Variants in WNT9B observed in about 807,000 individuals in gnomAD.
WNT9B encodes the protein Wnt family member 9B.
A neutral mutation model predicts 30.2 loss-of-function variants in WNT9B; 12 were observed. The ratio of observed to expected loss-of-function variants is 0.40; its 90% confidence interval spans 0.26 to 0.64. The LOEUF (loss-of-function observed/expected upper bound fraction) is 0.64, where lower values mean the gene tolerates loss of function less well. Ranked by LOEUF, WNT9B falls within the 30% of genes least tolerant of loss-of-function variation. The pLI is 0.42. For synonymous variants in WNT9B, 218 were observed against 216.9 expected, an observed-to-expected ratio of 1.01 and a Z score of -0.05; for missense variants, 442 against 485.2, an observed-to-expected ratio of 0.91 and a Z score of 0.84.
At chr17:46,844,520 C>G (rs1405411928) in intron 1 of WNT9B, among the ~76,000 whole-genome samples, 4 of 152,062 alleles carry the variant, frequency 2.6e-5, no homozygotes, top group African/African-American at 9.7e-5. Flanking sequence ...ACCTGCAGTT[C>G]TGATAATATG....
At chr17:46,865,447 G>C (rs371821077) in intron 1 of WNT9B, among the ~76,000 whole-genome samples, 2 of 152,160 alleles carry the variant, frequency 1.3e-5, no homozygotes, top group African/African-American at 4.8e-5. Flanking sequence ...GGGCTCCAGC[G>C]GGGAAGTGTG....
chr17:46,855,500 C>A lies in WNT9B; in HGVS notation c.77+3785C>A, dbSNP rs185787599. ...TCACTCATCTCCAAGGTCAGTAGCA[C>A]CTGGAGGTGCTAAGGTTCCCTAATG... On this transcript the variant is annotated intron_variant, in intron 1 of 3. Transcript: ENST00000290015. Among the ~76,000 whole-genome samples the A allele has an allele frequency of 1.6e-3, 248 of 152,288 alleles. 3 individuals are homozygous for A. Among genetic ancestry groups the A allele is most frequent in the Non-Finnish European group, 7.4e-4 (50 of 68,014 alleles).
rs954425453 is a variant in WNT9B at position 46,880,095 on chromosome 17, G to A, written c.*3377G>A. Among the ~76,000 whole-genome samples, 21 of 152,352 alleles carry A rather than the reference G, an allele frequency of 1.4e-4. No individual in the cohort carries two copies. The highest frequency in any genetic ancestry group is 4.8e-4 in the African/African-American group (20 of 41,584). On this transcript the variant is annotated 3_prime_UTR_variant, in exon 4 of 4. Transcript: ENST00000290015. ...CTGCGCTGGCAGACTGGGCCTGCAT[G>A]TCCTCCTGCAGGCAGCTAGAGTGAG... is the stretch of plus-strand genomic sequence containing the variant.
chr17:46,876,531 A>G lies in WNT9B; in HGVS notation c.887A>G (p.Tyr296Cys), dbSNP rs2085348907. The G allele has an allele frequency of 1.2e-6, 2 of 1,613,514 alleles. No individual in the cohort carries two copies. Among genetic ancestry groups the G allele is most frequent in the Non-Finnish European group, 1.7e-6 (2 of 1,179,972 alleles). ...DSPSFCRPSK[Y>C]SPGTAGRVCS... ...CCCAGCTTCTGCCGGCCCAGCAAGT[A>G]CTCACCTGGCACAGCAGGTAGGGTG... Residue 296 changes from tyrosine to cysteine, a missense_variant, in exon 4 of 4, where the codon TAC becomes TGC. By Grantham distance (194) the Tyr-to-Cys change is radical. Coordinates refer to ENST00000290015, the MANE Select transcript of WNT9B (RefSeq NM_003396.3).
At position 46,872,651 on chromosome 17, in the gene WNT9B, A is replaced by G. The variant is rs2085268657; in HGVS notation, c.212A>G (p.Glu71Gly). 1.2e-6 allele frequency: 2 copies of G among 1,613,556 alleles called. No homozygotes were observed. Among genetic ancestry groups the G allele is most frequent in the Non-Finnish European group, 1.7e-6 (2 of 1,179,990 alleles). The change falls in exon 2 of 4, where the codon GAG becomes GGG. Residue 71 changes from glutamate (E) to glycine (G), a missense_variant. Transcript: ENST00000290015. ...SRRQKQLCRR[E>G]PGLAETLRDA... The stretch of plus-strand genomic sequence containing the variant: ...CGGCAGAAGCAGCTCTGCCGGAGGG[A>G]GCCCGGCCTGGCTGAGACCCTGAGG...
intron 1 of WNT9B, among the ~76,000 whole-genome samples, chr17:46,864,122 G>C (rs532586327): frequency 6.6e-6 from 1 of 152,236 alleles, no homozygotes; most frequent in South Asian, 2.1e-4. Flanking sequence ...CTGCCTGTGC[G>C]TGGGAAGAGG....
At chr17:46,874,080 T>C (rs2085302322) in intron 2 of WNT9B, among the ~76,000 whole-genome samples, 1 of 151,634 alleles carries the variant, frequency 6.6e-6, no homozygotes, top group Non-Finnish European at 1.5e-5. Flanking sequence ...GCCAAGCTAA[T>C]GGCCTCTCTC....
upstream of WNT9B, among the ~76,000 whole-genome samples, chr17:46,851,402 GA>G (rs962450122): frequency 1.3e-5 from 2 of 151,476 alleles, no homozygotes; most frequent in African/African-American, 2.4e-5. This position sits in a 1 kb window ranked among gnomAD's most constrained non-coding sequence, Gnocchi z 4.3. Flanking sequence ...GGCAATGGGG[GA>G]GGGGCGGGGG....
upstream of WNT9B, among the ~76,000 whole-genome samples, chr17:46,849,779 C>T (rs1337188339): frequency 6.6e-6 from 1 of 152,180 alleles, no homozygotes; most frequent in Non-Finnish European, 1.5e-5. Context: ...AACACCATCA[C>T]ACCCCAGTCC....
At chr17:46,863,462 GA>G (rs1898227275) in intron 1 of WNT9B, among the ~76,000 whole-genome samples, 1 of 152,228 alleles carries the variant, frequency 6.6e-6, no homozygotes, top group Admixed American at 6.5e-5. Context: ...TGAAGAGGAA[GA>G]AAGGAGTGTC....
chr17:46,884,608 G>C (rs945518480), downstream of WNT9B, among the ~76,000 whole-genome samples: 1 of 152,216 alleles, frequency 6.6e-6, no homozygotes, highest in Non-Finnish European at 1.5e-5. Context: ...TTTTGCGCAG[G>C]CTTCATACAG....
intron 1 of WNT9B, among the ~76,000 whole-genome samples, chr17:46,839,147 G>A (rs991877171): frequency 1.4e-4 from 22 of 152,178 alleles, no homozygotes; most frequent in Admixed American, 3.9e-4. Context: ...CAAAGTACTG[G>A]GATTACAGGC....
downstream of WNT9B, among the ~76,000 whole-genome samples, chr17:46,882,259 T>C (rs2085433225): frequency 6.6e-6 from 1 of 152,258 alleles, no homozygotes; most frequent in African/African-American, 2.4e-5. Flanking sequence ...CAGCTCCCTG[T>C]AATCTAGAAC....
At chr17:46,860,596 T>C (rs2085019879) in intron 1 of WNT9B, among the ~76,000 whole-genome samples, 1 of 152,228 alleles carries the variant, frequency 6.6e-6, no homozygotes, top group Non-Finnish European at 1.5e-5. Context: ...GTTAAATGAA[T>C]GTATATATAG....
chr17:46,874,671 G>A (rs755241951), intron 2 of WNT9B, among the ~76,000 whole-genome samples: 3 of 152,114 alleles, frequency 2.0e-5, no homozygotes, highest in South Asian at 2.1e-4. Flanking sequence ...TCCACCTTCC[G>A]GGTTCAAGTG....
intron 1 of WNT9B, among the ~76,000 whole-genome samples, chr17:46,854,433 A>G (rs972234427): frequency 6.6e-6 from 1 of 152,196 alleles, no homozygotes; most frequent in African/African-American, 2.4e-5. Flanking sequence ...GCTCTTTGAA[A>G]TCATAGAATC....
At chr17:46,857,526 A>C (rs1192221490) in intron 1 of WNT9B, among the ~76,000 whole-genome samples, 1 of 151,574 alleles carries the variant, frequency 6.6e-6, no homozygotes, top group African/African-American at 2.4e-5. Context: ...GTTTTGGACT[A>C]TTCCAAATAA....
downstream of WNT9B, chr17:46,885,217 G>T (rs575263367): frequency 6.8e-5 from 21 of 307,396 alleles, no homozygotes; most frequent in African/African-American, 4.8e-4. Flanking sequence ...TGTTGGTCAG[G>T]CTGGTCTCGA....
At chr17:46,875,036 T>A in intron 2 of WNT9B, 65 bp from the exon 3 acceptor site, 1 of 1,612,938 alleles carries the variant, frequency 6.2e-7, no homozygotes, top group Non-Finnish European at 8.5e-7. Flanking sequence ...AGGCAACCTC[T>A]AAGCTTCCTC....
Sources: allele counts gnomAD v4.1 joint callset (sites outside exome capture counted in the v4.1 genomes callset), GRCh38; gene constraint gnomAD v4.1.1; non-coding constraint Gnocchi (gnomAD v3.1); transcripts MANE v1.5; gene names NCBI Gene and HGNC (gene_info 2026-07-23, HGNC 2026-07-21).